The following FOXP2 variants were observed in gnomAD, a reference collection of about 807,000 sequenced individuals.
FOXP2 encodes forkhead box protein P2.
FOXP2 carries 12 observed loss-of-function variants against 115.8 expected under a neutral mutation model. The observed-to-expected ratio is 0.10, with a 90% CI of 0.07 to 0.17. The LOEUF (loss-of-function observed/expected upper bound fraction) is 0.17. Ranked by LOEUF, FOXP2 falls within the 10% of genes least tolerant of loss-of-function variation. The pLI is 1.00. For synonymous variants in FOXP2, 328 were observed against 297.7 expected (o/e 1.10, Z -1.05); for missense variants, 629 against 843.5 (o/e 0.75, Z 3.15).
At chr7:114,111,708 T>TA (rs1050451069) in intron 1 of FOXP2, among the ~76,000 whole-genome samples, 1 of 152,004 alleles carries the variant, frequency 6.6e-6, no homozygotes, top group Admixed American at 6.6e-5. Flanking sequence ...AAACAGGATT[T>TA]AAAAAAATAT....
At chr7:114,509,931 A>C (rs1324051027) in intron 2 of FOXP2, among the ~76,000 whole-genome samples, 2 of 152,068 alleles carry the variant, frequency 1.3e-5, no homozygotes, top group Admixed American at 1.3e-4. Flanking sequence ...GAGAGAAAAA[A>C]AAAGGTGCTC....
intron 3 of FOXP2, among the ~76,000 whole-genome samples, chr7:114,572,378 T>G (rs1329035885): frequency 1.3e-5 from 2 of 151,762 alleles, no homozygotes; most frequent in African/African-American, 4.8e-5. Flanking sequence ...CCTAAGCTTT[T>G]TTGTAACAAC....
intron 3 of FOXP2, among the ~76,000 whole-genome samples, chr7:114,600,392 A>T (rs1055529720): frequency 3.9e-5 from 6 of 152,172 alleles, no homozygotes; most frequent in African/African-American, 1.2e-4. Context: ...CATTATGTGG[A>T]TGTATCAGTT....
At chr7:114,200,668 T>A (rs573123170) in intron 1 of FOXP2, among the ~76,000 whole-genome samples, 50 of 152,318 alleles carry the variant, frequency 3.3e-4, no homozygotes, top group African/African-American at 1.1e-3. Context: ...GACCAAGAAC[T>A]GGGAAGCAAT....
intron 3 of FOXP2, among the ~76,000 whole-genome samples, chr7:114,625,560 T>G (rs907790962): frequency 6.6e-6 from 1 of 151,820 alleles, no homozygotes; most frequent in African/African-American, 2.4e-5. Flanking sequence ...TAATCTTTAT[T>G]CATTTTTATC....
chr7:114,401,645 T>A (rs1584696353), intron 2 of FOXP2, among the ~76,000 whole-genome samples: 2 of 152,320 alleles, frequency 1.3e-5, no homozygotes, highest in Admixed American at 1.3e-4. Flanking sequence ...GCCAGGTCTG[T>A]TAGATTCCAT....
chr7:114,089,790 T>C (rs1005375173), intron 1 of FOXP2, among the ~76,000 whole-genome samples: 1 of 152,014 alleles, frequency 6.6e-6, no homozygotes, highest in Non-Finnish European at 1.5e-5. Flanking sequence ...AGAAGTTATA[T>C]TTCCTTTGTA....
At chr7:114,489,925 C>CA (rs1374049692) in intron 2 of FOXP2, among the ~76,000 whole-genome samples, 3 of 152,024 alleles carry the variant, frequency 2.0e-5, no homozygotes, top group Non-Finnish European at 1.5e-5. Context: ...AGAACACTGA[C>CA]AAAAAATGCT....
chr7:114,508,792 T>A (rs1797940781), intron 2 of FOXP2, among the ~76,000 whole-genome samples: 1 of 152,180 alleles, frequency 6.6e-6, no homozygotes, highest in Admixed American at 6.6e-5. Context: ...GTTACTCTGA[T>A]AAGCCAACAA....
At chr7:114,592,873 T>C (rs1173187113) in intron 3 of FOXP2, among the ~76,000 whole-genome samples, 1 of 152,036 alleles carries the variant, frequency 6.6e-6, no homozygotes, top group African/African-American at 2.4e-5. Context: ...TCTCCTTCAT[T>C]GCAACAAATT....
intron 2 of FOXP2, among the ~76,000 whole-genome samples, chr7:114,481,488 A>T (rs1306459100): frequency 1.3e-5 from 2 of 151,340 alleles, no homozygotes; most frequent in Non-Finnish European, 3.0e-5. Context: ...AAAGCGTAAT[A>T]GGTTAAAATA....
chr7:114,514,024 TA>T (rs1798202454), intron 2 of FOXP2, among the ~76,000 whole-genome samples: 1 of 152,042 alleles, frequency 6.6e-6, no homozygotes, highest in Admixed American at 6.6e-5. Context: ...GTTAACATTG[TA>T]CATATGTGTA....
intron 2 of FOXP2, among the ~76,000 whole-genome samples, chr7:114,301,183 C>T (rs1199594693): frequency 6.6e-6 from 1 of 151,942 alleles, no homozygotes; most frequent in Non-Finnish European, 1.5e-5. Flanking sequence ...ATCATTAGTG[C>T]TGTTTTTCAA....
chr7:114,571,527 A>T (rs375172646), intron 3 of FOXP2, among the ~76,000 whole-genome samples: 1 of 151,918 alleles, frequency 6.6e-6, no homozygotes, highest in Admixed American at 6.6e-5. Context: ...GTATTTTCAC[A>T]TATAGTCAGC....
At chr7:114,488,277 C>T (rs368508339) in intron 2 of FOXP2, among the ~76,000 whole-genome samples, 5 of 152,096 alleles carry the variant, frequency 3.3e-5, no homozygotes, top group Admixed American at 6.6e-5. Flanking sequence ...TACCTCCCAC[C>T]GGGTTTCTCC....
At chr7:114,480,731 G>C (rs537263490) in intron 2 of FOXP2, among the ~76,000 whole-genome samples, 1 of 149,524 alleles carries the variant, frequency 6.7e-6, no homozygotes, top group East Asian at 2.0e-4. Flanking sequence ...ACATATACAC[G>C]TATATATGTG....
chr7:114,343,001 A>G lies in FOXP2; in HGVS notation c.-11+54892A>G, dbSNP rs560229083. On this transcript the variant is annotated intron_variant, in intron 2 of 17. Coordinates refer to the FOXP2 transcript ENST00000634411. ...ATGATATAAGCTAATTTTAAAGATA[A>G]TTTATAAAGCAGTAACTTTACTGTA... 1.5e-4 allele frequency among the ~76,000 whole-genome samples: 22 copies of G among 151,698 alleles called. 1 individual carries two copies. The highest frequency in any genetic ancestry group is 5.1e-4 in the African/African-American group (21 of 41,488).
chr7:114,179,797 T>C (rs1239832635), intron 1 of FOXP2, among the ~76,000 whole-genome samples: 2 of 152,062 alleles, frequency 1.3e-5, no homozygotes, highest in Non-Finnish European at 2.9e-5. Flanking sequence ...CAGATTATTA[T>C]AGTGAGTTCT....
intron 3 of FOXP2, among the ~76,000 whole-genome samples, chr7:114,559,748 G>T (rs1800665625): frequency 6.6e-6 from 1 of 152,074 alleles, no homozygotes; most frequent in Admixed American, 6.5e-5. Context: ...AATTAGCCAG[G>T]CGTGGTGGCC....
Sources: gnomAD v4.1 joint callset for allele counts (sites outside exome capture counted in the v4.1 genomes callset) on GRCh38, gnomAD v4.1.1 for gene constraint, MANE v1.5 for transcripts, NCBI Gene and HGNC (gene_info 2026-07-23, HGNC 2026-07-21) for gene names.